Variants in ANKFY1 observed in about 807,000 individuals in gnomAD.
ANKFY1 encodes ankyrin repeat and FYVE domain-containing protein 1.
ANKFY1 carries 47 observed loss-of-function variants against 128.3 expected under a neutral mutation model. The ratio of observed to expected loss-of-function variants is 0.37; its 90% CI spans 0.29 to 0.47. The LOEUF (loss-of-function observed/expected upper bound fraction) is 0.47. Ranked by LOEUF, ANKFY1 falls within the 20% of genes least tolerant of loss-of-function variation. The pLI is 1.00. For missense variants in ANKFY1, 1,222 were observed against 1,510.6 expected (o/e 0.81, Z 3.17); for synonymous variants, 553 against 601.6 (o/e 0.92, Z 1.18).
chr17:4,176,602 C>G (rs1423975656), intron 19 of ANKFY1, among the ~76,000 whole-genome samples: 4 of 152,222 alleles, frequency 2.6e-5, no homozygotes, highest in Non-Finnish European at 4.4e-5. Flanking sequence ...ACATGCACTT[C>G]CCAATCTCCA....
intron 8 of ANKFY1, 90 bp from the exon 9 acceptor site, chr17:4,195,561 C>A: frequency 1.1e-6 from 1 of 951,184 alleles, no homozygotes; most frequent in Non-Finnish European, 1.7e-6. Flanking sequence ...CAGGCAGAAT[C>A]ACCACCCGCA....
At chr17:4,187,187 C>A in intron 11 of ANKFY1, 1 of 436,800 alleles carries the variant, frequency 2.3e-6, no homozygotes. Context: ...AATTCCATTA[C>A]GTCATTCTTG....
chr17:4,176,986 C>T, intron 19 of ANKFY1, 140 bp downstream of exon 19: 1 of 888,970 alleles, frequency 1.1e-6, no homozygotes. Flanking sequence ...CACCAGTTTC[C>T]TGAGTGCACC....
intron 3 of ANKFY1, among the ~76,000 whole-genome samples, chr17:4,217,742 T>A (rs903932137): frequency 6.6e-6 from 1 of 152,188 alleles, no homozygotes; most frequent in Admixed American, 6.5e-5. Context: ...TGGAATGCAG[T>A]GGCACAATCA....
At chr17:4,182,418 G>A in intron 14 of ANKFY1, 69 bp from the exon 15 acceptor site, 1 of 1,250,340 alleles carries the variant, frequency 8.0e-7, no homozygotes, top group Admixed American at 2.5e-5. Flanking sequence ...GCCCTTCTGG[G>A]CATTCCAGAG....
rs144495503 is a variant in ANKFY1, at chr17:4,255,827, T to C, written c.10+8105A>G. On this transcript the variant is annotated intron_variant, in intron 1 of 24. Coordinates refer to ENST00000341657, the MANE Select transcript of ANKFY1 (RefSeq NM_001330063.2). ...ACCACTACTACTTTTCTTTTTTTTT[T>C]TTCTTTTGAAACGGAGTCTCACTCT... Among the ~76,000 whole-genome samples the C allele has an allele frequency of 2.4e-3, 372 of 152,052 alleles. 1 individual carries two copies. Among genetic ancestry groups the C allele is most frequent in the African/African-American group, 8.6e-3 (356 of 41,494 alleles).
At chr17:4,168,503 T>C (rs2059253512) in intron 24 of ANKFY1, among the ~76,000 whole-genome samples, 1 of 152,158 alleles carries the variant, frequency 6.6e-6, no homozygotes, top group Non-Finnish European at 1.5e-5. Flanking sequence ...TTTCCTTTTT[T>C]CTTTTTTGAG....
chr17:4,173,856 C>T lies in ANKFY1; in HGVS notation c.2923+53G>A. 1.9e-6 allele frequency: 3 copies of T among 1,577,822 alleles called. 1 individual carries two copies. In the South Asian group the frequency reaches 3.5e-5, roughly 18 times the overall value. On this transcript the variant is annotated intron_variant, in intron 20 of 24. Transcript: ENST00000341657. ...CAGACCCAAGGGTGCACTGCACCCC[C>T]ACCCCTAGAATGGAGGGATCGTTCA...
At position 4,208,102 on chromosome 17, in the gene ANKFY1, T is replaced by C. The variant is rs1247658105; in HGVS notation, c.583-20A>G. The C allele has an allele frequency of 6.3e-7, 1 of 1,588,676 alleles. No individual in the cohort carries two copies. Among genetic ancestry groups the C allele is most frequent in the Non-Finnish European group, 8.6e-7 (1 of 1,169,574 alleles). On this transcript the variant is annotated intron_variant, in intron 5 of 24. Coordinates refer to ENST00000341657, the MANE Select transcript of ANKFY1 (RefSeq NM_001330063.2). ...GTCGTCCTGAGAATTCACAACACAGTGAAAAGCAGAACAGACACAAGGCAA... is the reference window on the plus strand; with the variant it reads ...GTCGTCCTGAGAATTCACAACACAGCGAAAAGCAGAACAGACACAAGGCAA...
chr17:4,186,701 TGCTCCTCCC>T (rs1168846107), intron 11 of ANKFY1: 4 of 539,538 alleles, frequency 7.4e-6, no homozygotes, highest in Non-Finnish European at 9.5e-6. Flanking sequence ...CCTCCTCCCC[TGCTCCTCCC>T]GCTCCTCTAC....
chr17:4,256,071 C>T (rs1968101672), intron 1 of ANKFY1, among the ~76,000 whole-genome samples: 1 of 152,044 alleles, frequency 6.6e-6, no homozygotes, highest in Admixed American at 6.5e-5. Context: ...CCGCCTCGGC[C>T]TCCCAAAGTG....
intron 10 of ANKFY1, 61 bp downstream of exon 10, chr17:4,194,917 C>T (rs2059788542): frequency 6.5e-7 from 1 of 1,546,204 alleles, no homozygotes; most frequent in African/African-American, 1.4e-5. Flanking sequence ...AAGGCATTTA[C>T]ATGCCATTTC....
At chr17:4,172,717 G>A in intron 21 of ANKFY1, 37 bp from the exon 22 acceptor site, 1 of 1,610,074 alleles carries the variant, frequency 6.2e-7, no homozygotes, top group Non-Finnish European at 8.5e-7. Context: ...GAATGTATCT[G>A]CCATGGCCAT....
At chr17:4,214,044 C>G (rs1159674904) in intron 4 of ANKFY1, among the ~76,000 whole-genome samples, 4 of 152,190 alleles carry the variant, frequency 2.6e-5, no homozygotes, top group African/African-American at 9.7e-5. Context: ...ACCATTTTTA[C>G]AACTAATATT....
In ANKFY1 at chr17:4,169,438, T is replaced by A. The variant is rs1268917916; in HGVS notation, c.3287-150A>T. 2.0e-5 allele frequency: 12 copies of A among 609,376 alleles called. No individual in the cohort carries two copies. The East Asian group carries it at 2.2e-4, about 11-fold the overall frequency. 37.7% of individuals were successfully genotyped at this position (609,376 alleles called of 1,614,324 possible). A position where few individuals can be genotyped will look rare whatever the true frequency, so the allele number is the denominator to read the frequency against. ...GAAGGAGCGATAGGTTCTAAGTGGT[T>A]CAGGGCCAGCTTCCCAGAGGAGACT... On this transcript the variant is annotated intron_variant, in intron 23 of 24. Transcript: ENST00000341657. The surrounding 1 kb of genome is among the most constrained non-coding windows in gnomAD (Gnocchi z 5.0).
chr17:4,210,648 C>T (rs2060110538), intron 4 of ANKFY1, among the ~76,000 whole-genome samples: 4 of 117,244 alleles, frequency 3.4e-5, no homozygotes, highest in Non-Finnish European at 6.5e-5. Flanking sequence ...GCGGAGGTTG[C>T]AGTGAGCTGA....
intron 1 of ANKFY1, chr17:4,263,488 A>AC: frequency 1.5e-6 from 1 of 651,548 alleles, no homozygotes; most frequent in Non-Finnish European, 2.2e-6. Context: ...ACCTCACCCC[A>AC]ACCCAGCCCG....
At chr17:4,255,134 T>C (rs1020684575) in intron 1 of ANKFY1, among the ~76,000 whole-genome samples, 1 of 152,124 alleles carries the variant, frequency 6.6e-6, no homozygotes. Context: ...CCACACTGTA[T>C]TCAGTCTTTC....
intron 2 of ANKFY1, among the ~76,000 whole-genome samples, chr17:4,241,198 A>G (rs1032282067): frequency 2.6e-5 from 4 of 151,804 alleles, no homozygotes; most frequent in African/African-American, 9.7e-5. Flanking sequence ...TTGATAGATC[A>G]GGAACCTGAG....
Sources: allele counts gnomAD v4.1 joint callset (sites outside exome capture counted in the v4.1 genomes callset), GRCh38; gene constraint gnomAD v4.1.1; non-coding constraint Gnocchi (gnomAD v3.1); transcripts MANE v1.5; gene names NCBI Gene and HGNC (gene_info 2026-07-23, HGNC 2026-07-21).